CHRNA4: variants seen among roughly 807,000 people sequenced by gnomAD.
The protein encoded by CHRNA4 is cholinergic receptor nicotinic alpha 4 subunit, also known as neuronal acetylcholine receptor subunit alpha-4.
Under a neutral mutation model 48.9 loss-of-function variants are expected in CHRNA4, and 28 were observed. The observed-to-expected ratio is 0.57, with a 90% CI of 0.42 to 0.79. The LOEUF (loss-of-function observed/expected upper bound fraction) is 0.79. Ranked by LOEUF, CHRNA4 falls within the 30% of genes least tolerant of loss-of-function variation. CHRNA4 has a pLI of 0.00. For missense variants in CHRNA4, 859 were observed against 898.4 expected, an observed-to-expected ratio of 0.96 and a Z score of 0.56; for synonymous variants, 425 against 402.3, an observed-to-expected ratio of 1.06 and a Z score of -0.68.
chr20:63,355,495 C>T (rs765428448), intron 4 of CHRNA4: 2 of 1,289,338 alleles, frequency 1.6e-6, no homozygotes, highest in Non-Finnish European at 2.0e-6. Flanking sequence ...GGCTTCCTCA[C>T]CCCTCTCCAG....
rs1466535195 is a variant in CHRNA4, at chr20:63,344,162, C to A, written c.*2576G>T. ...GACAGCAAGGAGCTACGGACACACACAACAGCACGGATGAAGCTCTAAGTC... is the reference window on the plus strand; with the variant it reads ...GACAGCAAGGAGCTACGGACACACAAAACAGCACGGATGAAGCTCTAAGTC... On this transcript the variant is annotated 3_prime_UTR_variant, in exon 6 of 6. Coordinates refer to ENST00000370263, the MANE Select transcript of CHRNA4 (RefSeq NM_000744.7). The surrounding 1 kb of genome is among the most constrained non-coding windows in gnomAD (Gnocchi z 4.5). The A allele has an allele frequency of 2.2e-6, 1 of 454,100 alleles. No individual in the cohort carries two copies. Among genetic ancestry groups the A allele is most frequent in the Admixed American group, 2.3e-5 (1 of 42,578 alleles). The allele number at this position is 454,100 out of a possible 1,614,324, so 28.1% of individuals were successfully genotyped here.
intron 4 of CHRNA4, among the ~76,000 whole-genome samples, chr20:63,353,541 CCATGGTCCTGGAGGGG>C (rs1388900110): frequency 3.0e-5 from 2 of 66,692 alleles, no homozygotes; most frequent in African/African-American, 6.5e-5. Flanking sequence ...CTAGAGGGGG[CCATGGTCCTGGAGGGG>C]CTGTGGTCCT....
Position 63,346,697 on chromosome 20 carries a change from G to T in CHRNA4, c.*41C>A. ...GGCCGGCCGCATGGATGCTGGCCCC[G>T]TGCACGGCAGCCCCAGGCCACGCAG... is the stretch of plus-strand genomic sequence containing the variant. On this transcript the variant is annotated 3_prime_UTR_variant, in exon 6 of 6. Transcript: ENST00000370263. 6.3e-7 allele frequency: 1 copy of T among 1,583,576 alleles called. No homozygotes were observed.
At chr20:63,359,277 C>T in intron 2 of CHRNA4, 1 of 519,226 alleles carries the variant, frequency 1.9e-6, no homozygotes, top group South Asian at 2.0e-5. Flanking sequence ...CCGAAGGTGC[C>T]TGGGCTCTGT....
intron 5 of CHRNA4, 35 bp downstream of exon 5, chr20:63,349,618 C>A (rs1165076489): frequency 6.2e-6 from 10 of 1,611,800 alleles, no homozygotes; most frequent in Non-Finnish European, 8.5e-6. Context: ...CCGTCTGGGT[C>A]AGAGGCGCCC....
At position 63,350,228 on chromosome 20, in the gene CHRNA4, T is replaced by G; in HGVS notation, c.1183A>C (p.Thr395Pro). ...WPEPEGEPPA[T>P]SGTQSLHPPS... is the part of the protein sequence containing the mutation. ...GGGTGCAGGCTCTGGGTGCCGCTCGTGGCAGGGGGCTCCCCTTCTGGCTCG... is the reference window on the plus strand; with the variant it reads ...GGGTGCAGGCTCTGGGTGCCGCTCGGGGCAGGGGGCTCCCCTTCTGGCTCG... Residue 395 changes from threonine to proline, a missense_variant, in exon 5 of 6, where the codon ACG (threonine) becomes CCG (proline). Thr to Pro is a conservative substitution (Grantham distance 38). Around this residue, in one of 3 missense-constraint regions of CHRNA4, gnomAD observed 478 missense variants for 455.4 expected, o/e 1.05. Coordinates refer to ENST00000370263, the MANE Select transcript of CHRNA4 (RefSeq NM_000744.7). 2.5e-6 allele frequency: 4 copies of G among 1,608,648 alleles called. No homozygotes were observed. The highest frequency in any genetic ancestry group is 3.4e-6 in the Non-Finnish European group (4 of 1,177,958).
chr20:63,346,518 T>C lies in CHRNA4; in HGVS notation c.*220A>G. 2 of 726,660 alleles carry C rather than the reference T, an allele frequency of 2.8e-6. No homozygotes were observed. The highest frequency in any genetic ancestry group is 4.8e-6 in the Non-Finnish European group (2 of 414,578). 45.0% of individuals were successfully genotyped at this position (726,660 alleles called of 1,614,324 possible). ...ACCTCTGCTCCAAGCCACTGCCTCC[T>C]GAGGCCACAGTCCAACTGGAAGCAG... is the stretch of plus-strand genomic sequence containing the variant. On this transcript the variant is annotated 3_prime_UTR_variant, in exon 6 of 6. Transcript: ENST00000370263.
At position 63,350,295 on chromosome 20, in the gene CHRNA4, G is replaced by A. The variant is rs199889002; in HGVS notation, c.1116C>T (p.Ile372=). The change falls in exon 5 of 6, where the codon ATC becomes ATT. Residue 372 remains isoleucine, a synonymous_variant. Transcript: ENST00000370263. ...CACTGGCCATCTTATGCATGGACTC[G>A]ATGAGCCGCCGGCAATTGTCCTTGA... The part of the protein sequence containing the change: ...SVVKDNCRRL[I]ESMHKMASAP... 143 of 1,612,706 alleles carry A rather than the reference G, an allele frequency of 8.9e-5. No homozygotes were observed. The highest frequency in any genetic ancestry group is 1.1e-4 in the Non-Finnish European group (131 of 1,179,948).
Position 63,361,190 on chromosome 20 carries a change from G to C in CHRNA4, c.-25C>G, listed in dbSNP as rs1057518525. ...TGGCGCACGCACCTCGCGGGCTCTA[G>C]ATGCGGGCGGCTCCCGGCTCCCCGC... On this transcript the variant is annotated 5_prime_UTR_variant, in exon 1 of 6. In the 5' UTR this introduces an upstream ATG that the reference lacks. Transcript: ENST00000370263. 2 of 1,460,120 alleles carry C rather than the reference G, an allele frequency of 1.4e-6. No individual in the cohort carries two copies. The highest frequency in any genetic ancestry group is 2.4e-5 in the Admixed American group (1 of 41,552). 90.4% of individuals were successfully genotyped at this position (1,460,120 alleles called of 1,614,324 possible). A position where few individuals can be genotyped will look rare whatever the true frequency, so the allele number is the denominator to read the frequency against.
intron 5 of CHRNA4, 84 bp from the exon 6 acceptor site, chr20:63,346,947 C>G: frequency 1.9e-6 from 3 of 1,590,578 alleles, no homozygotes; most frequent in Non-Finnish European, 2.6e-6. Flanking sequence ...CCGCCGGCAA[C>G]AGCTTCTCCA....
intron 4 of CHRNA4, chr20:63,355,243 A>C (rs2068699499): frequency 2.9e-6 from 1 of 344,382 alleles, no homozygotes; most frequent in African/African-American, 2.1e-5. Flanking sequence ...GACAAGTTAG[A>C]GGACAGCAGC....
chr20:63,351,472 T>C (rs945803695), intron 4 of CHRNA4, among the ~76,000 whole-genome samples: 2 of 152,200 alleles, frequency 1.3e-5, no homozygotes, highest in Admixed American at 1.3e-4. Context: ...GAGTGGCGCA[T>C]GGATGGGGCT....
At chr20:63,349,379 C>A (rs1568807292) in intron 5 of CHRNA4, 4 of 571,306 alleles carry the variant, frequency 7.0e-6, no homozygotes, top group African/African-American at 3.8e-5. Context: ...CTCACCGTGC[C>A]GTCCGCCGAG....
chr20:63,347,084 G>A (rs911051271), intron 5 of CHRNA4: 14 of 659,968 alleles, frequency 2.1e-5, no homozygotes, highest in African/African-American at 1.4e-4. Flanking sequence ...CATGGTATGG[G>A]GCAGGAGGAC....
rs767434662 is a variant in CHRNA4 at position 63,345,758 on chromosome 20, G to A, written c.*980C>T. 1.6e-5 allele frequency: 7 copies of A among 446,002 alleles called. No homozygotes were observed. Among genetic ancestry groups the A allele is most frequent in the Admixed American group, 2.4e-5 (1 of 42,368 alleles). The allele number at this position is 446,002 out of a possible 1,614,324, so 27.6% of individuals were successfully genotyped here. A position where few individuals can be genotyped will look rare whatever the true frequency, so the allele number is the denominator to read the frequency against. ...ACTGTAGCAGGAAGTCCTTCTTCCC[G>A]AACCCAGAGCCCAGGGCGGATCTCC... On this transcript the variant is annotated 3_prime_UTR_variant, in exon 6 of 6. Transcript: ENST00000370263. The surrounding 1 kb of genome is among the most constrained non-coding windows in gnomAD (Gnocchi z 5.4).
In CHRNA4 at chr20:63,351,096, G is replaced by T. The variant is rs550410904; in HGVS notation, c.384-69C>A. The T allele has an allele frequency of 1.1e-4, 167 of 1,493,696 alleles. No individual in the cohort carries two copies. The Middle Eastern group carries it at 3.1e-3, about 28-fold the overall frequency. The allele number at this position is 1,493,696 out of a possible 1,614,324, so 92.5% of individuals were successfully genotyped here. On this transcript the variant is annotated intron_variant, in intron 4 of 5. Coordinates refer to ENST00000370263, the MANE Select transcript of CHRNA4 (RefSeq NM_000744.7). ...GCCCACGTCCACACCCACGCCCACT[G>T]CCACACCCATGCCCACGTCCACACC... is the stretch of plus-strand genomic sequence containing the variant.
chr20:63,359,910 T>A, intron 1 of CHRNA4: 2 of 510,886 alleles, frequency 3.9e-6, no homozygotes, highest in Non-Finnish European at 7.1e-6. Flanking sequence ...TGTGTGTGTG[T>A]GTGTGTGTGT....
At chr20:63,353,471 GCTGTGGTCCTGGGGGGGCTGTGGTC>G (rs2068647484) in intron 4 of CHRNA4, among the ~76,000 whole-genome samples, 1 of 136,486 alleles carries the variant, frequency 7.3e-6, no homozygotes, top group African/African-American at 2.8e-5. Flanking sequence ...TCCTAGGGGG[GCTGTGGTCCTGGGGGGGCTGTGGTC>G]CTAGGGGGGG....
chr20:63,359,909 G>GTGTGCCGGGCGTGCGCTGTGTA (rs1194154991), intron 1 of CHRNA4: 10 of 483,340 alleles, frequency 2.1e-5, no homozygotes, highest in East Asian at 1.0e-4. Context: ...GTGTGTGTGT[G>GTGTGCCGGGCGTGCGCTGTGTA]TGTGTGTGTG....
Sources: gnomAD v4.1 joint callset for allele counts (sites outside exome capture counted in the v4.1 genomes callset) on GRCh38, gnomAD v4.1.1 for gene constraint, gnomAD v4.1.1 regional missense constraint, Gnocchi (gnomAD v3.1) non-coding constraint, MANE v1.5 for transcripts, NCBI Gene and HGNC (gene_info 2026-07-23, HGNC 2026-07-21) for gene names.